EEF1D: variants seen among roughly 807,000 people sequenced by gnomAD.
The protein encoded by EEF1D is elongation factor 1-delta.
In EEF1D, 47 loss-of-function variants were observed where a neutral mutation model predicts 63.9. The ratio of observed to expected loss-of-function variants is 0.74; its 90% CI spans 0.58 to 0.94. The LOEUF is 0.94. EEF1D is among the 40% of genes least tolerant of loss of function. The probability of loss-of-function intolerance (pLI) is 0.00; values close to 1 mark genes in which losing one functional copy is unlikely to be tolerated. For missense variants in EEF1D, 907 were observed against 899.0 expected (o/e 1.01, Z -0.11); for synonymous variants, 412 against 386.1 (o/e 1.07, Z -0.79).
chr8:143,585,347 G>C (rs761588128), intron 5 of EEF1D, among the ~76,000 whole-genome samples: 1 of 152,148 alleles, frequency 6.6e-6, no homozygotes, highest in African/African-American at 2.4e-5. Context: ...TGAGCACCTT[G>C]AAACAAGCAA....
In EEF1D at chr8:143,581,157, G is replaced by T. The variant is rs1366024837; in HGVS notation, c.1388-3C>A. ...GGCCTGCTGCAGCTCCTGTACCACT[G>T]GGGGGGCAAGGGGAGCACGGTTAGA... On this transcript the variant is annotated splice_region_variant and splice_polypyrimidine_tract_variant and intron_variant, in intron 6 of 9. Coordinates refer to ENST00000618139, the MANE Select transcript of EEF1D (RefSeq NM_001130053.5). The T allele has an allele frequency of 2.5e-6, 4 of 1,612,420 alleles. No homozygotes were observed. Among genetic ancestry groups the T allele is most frequent in the South Asian group, 1.1e-5 (1 of 91,084 alleles).
At chr8:143,581,471 C>T in intron 5 of EEF1D, 143 bp from the exon 6 acceptor site, 2 of 699,188 alleles carry the variant, frequency 2.9e-6, no homozygotes, top group Non-Finnish European at 4.7e-6. Flanking sequence ...CCAGCTCAAA[C>T]TTATGACCTC....
intron 5 of EEF1D, chr8:143,582,061 G>A (rs1285247110): frequency 2.0e-5 from 3 of 152,422 alleles, no homozygotes; most frequent in East Asian, 3.9e-4. Flanking sequence ...CCCCATCTCG[G>A]CAGCTCCCCG....
Position 143,581,347 on chromosome 8 carries a change from G to A in EEF1D, c.1288-19C>T, listed in dbSNP as rs775933978. On this transcript the variant is annotated intron_variant, in intron 5 of 9. Coordinates refer to ENST00000618139, the MANE Select transcript of EEF1D (RefSeq NM_001130053.5). The stretch of plus-strand genomic sequence containing the variant: ...CTGAGCTCTGCAAGGCAGGAGGAGG[G>A]GAGGGCTCAGTGCCCAGCCTGCTCC... 15 of 1,604,670 alleles carry A rather than the reference G, an allele frequency of 9.3e-6. No homozygotes were observed. The highest frequency in any genetic ancestry group is 2.2e-5 in the South Asian group (2 of 90,264).
At chr8:143,584,503 G>A (rs1030354965) in intron 5 of EEF1D, among the ~76,000 whole-genome samples, 1 of 152,112 alleles carries the variant, frequency 6.6e-6, no homozygotes, top group African/African-American at 2.4e-5. Flanking sequence ...AGAGGCTGAG[G>A]TTGCAGTGAG....
At chr8:143,580,868 G>A in intron 7 of EEF1D, 141 bp from the exon 8 acceptor site, 3 of 1,176,352 alleles carry the variant, frequency 2.6e-6, no homozygotes, top group South Asian at 2.7e-5. Context: ...TACATGCAGG[G>A]CCCCAGGAAA....
At position 143,587,885 on chromosome 8, in the gene EEF1D, C is replaced by G. The variant is rs977116382; in HGVS notation, c.1092-1033G>C. 2.4e-4 allele frequency among the ~76,000 whole-genome samples: 36 copies of G among 152,322 alleles called. No individual in the cohort carries two copies. In the Middle Eastern group the frequency reaches 0.014, roughly 58 times the overall value. ...GTTCTTTATGGAGTTTGCCGCCCCCCACCCTGGACTGGCCAAGACCCTCTT... is the reference window on the plus strand; with the variant it reads ...GTTCTTTATGGAGTTTGCCGCCCCCGACCCTGGACTGGCCAAGACCCTCTT... On this transcript the variant is annotated intron_variant, in intron 3 of 9. Coordinates refer to ENST00000618139, the MANE Select transcript of EEF1D (RefSeq NM_001130053.5).
intron 2 of EEF1D, among the ~76,000 whole-genome samples, chr8:143,591,896 CT>C (rs1828026863): frequency 6.6e-6 from 1 of 152,246 alleles, no homozygotes; most frequent in Admixed American, 6.5e-5. Context: ...GAAGGCACCC[CT>C]GGCACTGCAC....
At chr8:143,584,539 C>T (rs568914480) in intron 5 of EEF1D, among the ~76,000 whole-genome samples, 164 of 152,260 alleles carry the variant, frequency 1.1e-3, no homozygotes, top group African/African-American at 3.8e-3. Context: ...TGTACTCCAG[C>T]CTGGGCGACA....
At chr8:143,587,035 G>A (rs1027104720) in intron 3 of EEF1D, 183 bp from the exon 4 acceptor site, 18 of 732,308 alleles carry the variant, frequency 2.5e-5, no homozygotes, top group South Asian at 1.7e-4. Context: ...TCTTCCAGAC[G>A]AGGAGTTCTC....
chr8:143,592,261 T>G, intron 2 of EEF1D: 2 of 985,528 alleles, frequency 2.0e-6, no homozygotes, highest in Non-Finnish European at 2.4e-6. Context: ...CCCCCAGTGT[T>G]GATGCCCTAC....
intron 1 of EEF1D, chr8:143,596,767 C>T (rs1828902052): frequency 6.6e-6 from 1 of 152,330 alleles, no homozygotes; most frequent in Non-Finnish European, 1.5e-5. Context: ...AGTACTACTT[C>T]TTAGCAACAG....
intron 1 of EEF1D, chr8:143,593,793 C>G (rs1215540551): frequency 3.2e-6 from 3 of 942,994 alleles, no homozygotes; most frequent in African/African-American, 1.8e-5. Flanking sequence ...GAGAGCCTCC[C>G]AGGACAGCCA....
chr8:143,592,537 G>A, intron 2 of EEF1D, 110 bp downstream of exon 2: 5 of 929,170 alleles, frequency 5.4e-6, no homozygotes, highest in Non-Finnish European at 6.4e-6. Flanking sequence ...GGCCCTCTGG[G>A]CAGACTGGGC....
In EEF1D at chr8:143,579,919, G is replaced by A. The variant is rs1463667770; in HGVS notation, c.1906-89C>T. On this transcript the variant is annotated intron_variant, in intron 9 of 9. Coordinates refer to ENST00000618139, the MANE Select transcript of EEF1D (RefSeq NM_001130053.5). ...CTCCTCTGAGGTGGGGTTCACTCTG[G>A]GACTCGCTCCCCACTGCCGTGGGGT... 4.5e-6 allele frequency: 7 copies of A among 1,549,248 alleles called. 1 individual carries two copies. Among genetic ancestry groups the A allele is most frequent in the Non-Finnish European group, 6.1e-6 (7 of 1,143,484 alleles).
chr8:143,584,887 G>A (rs1351888060), intron 5 of EEF1D, among the ~76,000 whole-genome samples: 2 of 152,160 alleles, frequency 1.3e-5, no homozygotes, highest in Admixed American at 6.5e-5. Context: ...CATTTTGAAA[G>A]GGAATGCCTG....
At chr8:143,593,585 A>C (rs1828325356) in intron 1 of EEF1D, among the ~76,000 whole-genome samples, 1 of 152,118 alleles carries the variant, frequency 6.6e-6, no homozygotes, top group Non-Finnish European at 1.5e-5. Context: ...AGCACCCTGC[A>C]GGGAGGAACT....
chr8:143,594,855 C>G (rs1186525516), intron 1 of EEF1D, among the ~76,000 whole-genome samples: 1 of 152,120 alleles, frequency 6.6e-6, no homozygotes, highest in African/African-American at 2.4e-5. Flanking sequence ...GCAAAACCAC[C>G]GCACGGCAGA....
intron 4 of EEF1D, 23 bp from the exon 5 acceptor site, chr8:143,586,313 C>T (rs1182121164): frequency 1.3e-6 from 2 of 1,517,660 alleles, no homozygotes; most frequent in East Asian, 2.4e-5. Flanking sequence ...CAGAAAGAAC[C>T]AGTCTTTTTT....
Sources: gnomAD v4.1 joint callset for allele counts (sites outside exome capture counted in the v4.1 genomes callset) on GRCh38, gnomAD v4.1.1 for gene constraint, MANE v1.5 for transcripts, NCBI Gene and HGNC (gene_info 2026-07-23, HGNC 2026-07-21) for gene names.